The following DAAM2 variants were observed in gnomAD, a reference collection of about 807,000 sequenced individuals.
The protein encoded by DAAM2 is disheveled-associated activator of morphogenesis 2.
In DAAM2, 39 loss-of-function variants were observed where a neutral mutation model predicts 120.7. The observed-to-expected ratio is 0.32, with a 90% CI of 0.25 to 0.42. The LOEUF is 0.42. Among genes scored for constraint, DAAM2 ranks in the 10% least tolerant of loss-of-function variants. DAAM2 has a pLI of 1.00. For synonymous variants in DAAM2, 488 were observed against 524.9 expected (o/e 0.93, Z 0.96); for missense variants, 1,283 against 1,401.7 (o/e 0.92, Z 1.35).
chr6:39,877,349 C>T (rs1465745379), intron 11 of DAAM2, among the ~76,000 whole-genome samples: 2 of 152,188 alleles, frequency 1.3e-5, no homozygotes, highest in Non-Finnish European at 2.9e-5. Context: ...GGGCCCCAGT[C>T]TACCCTACCT....
At chr6:39,879,755 G>A in intron 14 of DAAM2, 2 of 548,462 alleles carry the variant, frequency 3.6e-6, no homozygotes, top group East Asian at 6.5e-5. Context: ...TGGAGTCACA[G>A]CCAAGACAAA....
At chr6:39,851,257 T>A (rs1208697224) in intron 1 of DAAM2, among the ~76,000 whole-genome samples, 1 of 152,216 alleles carries the variant, frequency 6.6e-6, no homozygotes, top group East Asian at 1.9e-4. Flanking sequence ...AGTGGCTTAC[T>A]GCTTTAGAGT....
intron 23 of DAAM2, 143 bp downstream of exon 23, chr6:39,900,351 A>G: frequency 1.1e-6 from 1 of 923,870 alleles, no homozygotes; most frequent in Non-Finnish European, 1.6e-6. Context: ...CGCTCTTAAC[A>G]AGACAAGCAA....
chr6:39,841,997 A>G (rs902503415), intron 1 of DAAM2, among the ~76,000 whole-genome samples: 3 of 152,260 alleles, frequency 2.0e-5, no homozygotes, highest in African/African-American at 7.2e-5. Flanking sequence ...TCCTGCATTT[A>G]TCTGAGAATT....
intron 11 of DAAM2, 49 bp downstream of exon 11, chr6:39,875,517 C>T: frequency 1.3e-6 from 2 of 1,583,630 alleles, no homozygotes; most frequent in Non-Finnish European, 1.7e-6. Flanking sequence ...TTCCTCATCA[C>T]TCTCCCACTC....
At chr6:39,865,101 C>T (rs764799722) in intron 5 of DAAM2, 27 bp downstream of exon 5, 19 of 1,322,578 alleles carry the variant, frequency 1.4e-5, no homozygotes, top group Admixed American at 1.9e-5. Context: ...CTCTTGCTTC[C>T]TGCTGAGTCC....
chr6:39,854,878 T>C (rs1763940697), intron 1 of DAAM2, among the ~76,000 whole-genome samples: 1 of 152,306 alleles, frequency 6.6e-6, no homozygotes, highest in Non-Finnish European at 1.5e-5. Flanking sequence ...AGAGTATTGA[T>C]GAAACTTCCC....
At chr6:39,793,402 A>G (rs1029487730) in intron 1 of DAAM2, among the ~76,000 whole-genome samples, 2 of 152,000 alleles carry the variant, frequency 1.3e-5, no homozygotes, top group African/African-American at 2.4e-5. Flanking sequence ...TTTTATCAAA[A>G]TTGAACACAG....
chr6:39,871,654 G>A, intron 9 of DAAM2, 82 bp downstream of exon 9: 1 of 1,312,192 alleles, frequency 7.6e-7, no homozygotes, highest in South Asian at 1.3e-5. Context: ...TAGACCCCGT[G>A]TTGTGGCAGG....
At chr6:39,856,722 C>T (rs1314816305) in intron 2 of DAAM2, among the ~76,000 whole-genome samples, 7 of 152,180 alleles carry the variant, frequency 4.6e-5, no homozygotes, top group Non-Finnish European at 8.8e-5. Context: ...CCACATGGTG[C>T]AGTAATTAGG....
At chr6:39,821,634 A>T (rs1762491016) in intron 1 of DAAM2, 1 of 152,132 alleles carries the variant, frequency 6.6e-6, no homozygotes, top group African/African-American at 2.4e-5. Context: ...CGAGTCTTGA[A>T]CTTGGGGATA....
At chr6:39,889,538 C>T (rs932585566) in intron 17 of DAAM2, among the ~76,000 whole-genome samples, 1 of 152,020 alleles carries the variant, frequency 6.6e-6, no homozygotes, top group African/African-American at 2.4e-5. Context: ...CCTAGTAATC[C>T]CACTCTTAGG....
chr6:39,803,454 A>C (rs984726423), intron 1 of DAAM2, among the ~76,000 whole-genome samples: 1 of 152,184 alleles, frequency 6.6e-6, no homozygotes, highest in Non-Finnish European at 1.5e-5. Context: ...AGAAGCAGGC[A>C]GTGTGCCAGG....
rs1207734768 is a variant in DAAM2 at position 39,896,123 on chromosome 6, A to C, written c.2342-689A>C. ...CCATAATAGGTAAAATGCTGAAGTT[A>C]AGTGCTAGGTTTAGAAAAGTAAAAG... is the stretch of plus-strand genomic sequence containing the variant. On this transcript the variant is annotated intron_variant, in intron 19 of 24. Transcript: ENST00000274867. Among the ~76,000 whole-genome samples the C allele has an allele frequency of 2.0e-5, 3 of 152,350 alleles. No individual in the cohort carries two copies. In the East Asian group the frequency reaches 5.8e-4, roughly 29 times the overall value.
At position 39,904,430 on chromosome 6, in the gene DAAM2, GT is replaced by G. The variant is rs1562074961; in HGVS notation, c.*2395del. 2.2e-6 allele frequency: 1 copy of G among 454,966 alleles called. No individual in the cohort carries two copies. The highest frequency in any genetic ancestry group is 4.4e-6 in the Non-Finnish European group (1 of 226,964). 28.2% of individuals were successfully genotyped at this position (454,966 alleles called of 1,614,324 possible). A position where few individuals can be genotyped will look rare whatever the true frequency, so the allele number is the denominator to read the frequency against. On this transcript the variant is annotated 3_prime_UTR_variant, in exon 25 of 25. Transcript: ENST00000274867. The stretch of plus-strand genomic sequence containing the variant: ...GGGTGGCTGAGCTGGTCCTTAATAG[GT>G]TGTTTCTTGGTCTTGCTTTCTTCAT...
At chr6:39,847,526 T>C (rs1429398285) in intron 1 of DAAM2, among the ~76,000 whole-genome samples, 1 of 152,122 alleles carries the variant, frequency 6.6e-6, no homozygotes, top group East Asian at 1.9e-4. Context: ...AGCAGAGACA[T>C]GGGCGCTAAA....
chr6:39,825,272 T>C (rs141933606), intron 1 of DAAM2, among the ~76,000 whole-genome samples: 5,776 of 151,826 alleles, frequency 0.038, 281 homozygotes, highest in African/African-American at 0.11. Flanking sequence ...CGCCTGTAGT[T>C]TCAGCTACTC....
At chr6:39,875,255 C>G (rs1271075830) in intron 10 of DAAM2, 75 bp from the exon 11 acceptor site, 79 of 1,516,906 alleles carry the variant, frequency 5.2e-5, no homozygotes, top group Non-Finnish European at 6.4e-5. Context: ...AGCCAGACCC[C>G]AGGCAGCAAC....
intron 1 of DAAM2, among the ~76,000 whole-genome samples, chr6:39,823,506 A>G (rs1664591242): frequency 6.6e-6 from 1 of 152,202 alleles, no homozygotes; most frequent in African/African-American, 2.4e-5. Flanking sequence ...TCTGACCTCA[A>G]GCAAACTTGC....
Sources: allele counts gnomAD v4.1 joint callset (sites outside exome capture counted in the v4.1 genomes callset), GRCh38; gene constraint gnomAD v4.1.1; transcripts MANE v1.5; gene names NCBI Gene and HGNC (gene_info 2026-07-23, HGNC 2026-07-21).